PPIA: variants seen among roughly 807,000 people sequenced by gnomAD.
PPIA encodes peptidyl-prolyl cis-trans isomerase A.
Under a neutral mutation model 15.3 loss-of-function variants are expected in PPIA, and 2 were observed. The observed-to-expected ratio is 0.13, with a 90% CI of 0.05 to 0.41. The LOEUF (loss-of-function observed/expected upper bound fraction) is 0.41. Ranked by LOEUF, PPIA falls within the 10% of genes least tolerant of loss-of-function variation. The pLI is 0.99. For synonymous variants in PPIA, 67 were observed against 73.1 expected (o/e 0.92, Z 0.43); for missense variants, 103 against 210.3 (o/e 0.49, Z 3.16).
At chr7:44,799,087 C>T in intron 1 of PPIA, 160 bp from the exon 2 acceptor site, 3 of 1,075,232 alleles carry the variant, frequency 2.8e-6, no homozygotes, top group Non-Finnish European at 3.9e-6. Context: ...CAACTGCCTG[C>T]AGGGCCTTAT....
chr7:44,797,180 C>T (rs1245274389), intron 1 of PPIA, among the ~76,000 whole-genome samples: 1 of 152,192 alleles, frequency 6.6e-6, no homozygotes, highest in East Asian at 1.9e-4. Flanking sequence ...CAGAAGCACG[C>T]TCGCGGGGGC....
rs1189315135 is a variant in PPIA, at chr7:44,801,442, T to G, written c.*20T>G. ...GAATAAGTTTGACTTGTGTTTTATC[T>G]TAACCACCAGATCATTCCTTCTGTA... On this transcript the variant is annotated 3_prime_UTR_variant, in exon 5 of 5. Coordinates refer to ENST00000468812, the MANE Select transcript of PPIA (RefSeq NM_021130.5). The G allele has an allele frequency of 2.7e-6, 4 of 1,502,862 alleles. No individual in the cohort carries two copies. The highest frequency in any genetic ancestry group is 1.7e-5 in the Admixed American group (1 of 59,548). 93.1% of individuals were successfully genotyped at this position (1,502,862 alleles called of 1,614,324 possible).
Position 44,802,637 on chromosome 7 carries a change from G to C in PPIA, c.*1215G>C, listed in dbSNP as rs985775233. 1 of 152,200 alleles carries C rather than the reference G, an allele frequency of 6.6e-6. No homozygotes were observed. Among genetic ancestry groups the C allele is most frequent in the Non-Finnish European group, 1.5e-5 (1 of 68,038 alleles). The allele number at this position is 152,200 out of a possible 1,614,324, so 9.4% of individuals were successfully genotyped here. A position where few individuals can be genotyped will look rare whatever the true frequency, so the allele number is the denominator to read the frequency against. ...AGGGTTAAGGCGCAGACTACCTGCA[G>C]TGAGGAGGTACTGCTTGTAGCATAT... On this transcript the variant is annotated 3_prime_UTR_variant, in exon 5 of 5. Transcript: ENST00000468812.
chr7:44,799,829 A>G lies in PPIA; in HGVS notation c.317A>G (p.Asn106Ser). The change falls in exon 4 of 5, where the codon AAC (asparagine) becomes AGC (serine). Residue 106 changes from asparagine to serine, a missense_variant. Physicochemically the swap from Asn to Ser is conservative, Grantham distance 46. Transcript: ENST00000468812. ...TTGTCCATGGCAAATGCTGGACCCA[A>G]CACAAATGGTTCCCAGTTTTTCATC... ...GILSMANAGP[N>S]TNGSQFFICT... 6.2e-7 allele frequency: 1 copy of G among 1,613,250 alleles called. No homozygotes were observed. The highest frequency in any genetic ancestry group is 8.5e-7 in the Non-Finnish European group (1 of 1,180,012).
intron 1 of PPIA, among the ~76,000 whole-genome samples, chr7:44,797,053 C>T (rs1792392601): frequency 6.6e-6 from 1 of 152,196 alleles, no homozygotes; most frequent in Non-Finnish European, 1.5e-5. Context: ...GCCCGCCCGC[C>T]TCATGTGGCC....
chr7:44,800,886 C>G lies in PPIA; in HGVS notation c.363-401C>G, dbSNP rs17860077. Among the ~76,000 whole-genome samples the G allele has an allele frequency of 4.5e-4, 68 of 152,160 alleles. 2 individuals carry two copies. The highest frequency in any genetic ancestry group is 3.8e-3 in the Admixed American group (58 of 15,276). On this transcript the variant is annotated intron_variant, in intron 4 of 4. Coordinates refer to ENST00000468812, the MANE Select transcript of PPIA (RefSeq NM_021130.5). ...AGGCTGGAGTGCAGTGGCGCGATCT[C>G]GGCTCACTGCAAGCTCCGCCTCCCA...
At chr7:44,796,854 T>G in intron 1 of PPIA, 61 bp downstream of exon 1, 1 of 1,507,630 alleles carries the variant, frequency 6.6e-7, no homozygotes, top group Non-Finnish European at 9.0e-7. Flanking sequence ...TCGGGGTGGG[T>G]GGTAGCGCCC....
At chr7:44,797,668 G>A (rs952779664) in intron 1 of PPIA, among the ~76,000 whole-genome samples, 1 of 152,212 alleles carries the variant, frequency 6.6e-6, no homozygotes. Flanking sequence ...CGTTAAATGA[G>A]TTCTTAAAGA....
chr7:44,797,136 GC>G (rs1792397381), intron 1 of PPIA, among the ~76,000 whole-genome samples: 1 of 152,190 alleles, frequency 6.6e-6, no homozygotes, highest in Non-Finnish European at 1.5e-5. Context: ...GTTGGGCTCC[GC>G]CCTAGCTTGG....
rs754170938 is a variant in PPIA, at chr7:44,799,820, C to G, written c.308C>G (p.Ala103Gly). Residue 103 changes from alanine (A) to glycine (G), a missense_variant, in exon 4 of 5, where the codon GCT becomes GGT. Ala to Gly is a moderately conservative substitution (Grantham distance 60). Transcript: ENST00000468812. ...CCTGGCATCTTGTCCATGGCAAATGCTGGACCCAACACAAATGGTTCCCAG... is the reference window on the plus strand; with the variant it reads ...CCTGGCATCTTGTCCATGGCAAATGGTGGACCCAACACAAATGGTTCCCAG... ...TGPGILSMAN[A>G]GPNTNGSQFF... The G allele has an allele frequency of 6.2e-7, 1 of 1,613,390 alleles. No individual in the cohort carries two copies. The highest frequency in any genetic ancestry group is 1.7e-5 in the Admixed American group (1 of 60,004).
chr7:44,799,949 CT>C lies in PPIA; in HGVS notation c.362+79del, dbSNP rs1792496360. ...CCTGGGGGGAACGGAACAAACACTACTTTTCTTCAACCTTTGCTTCCACAGA... is the reference window on the plus strand; with the variant it reads ...CCTGGGGGGAACGGAACAAACACTACTTTCTTCAACCTTTGCTTCCACAGA... On this transcript the variant is annotated intron_variant, in intron 4 of 4. Coordinates refer to ENST00000468812, the MANE Select transcript of PPIA (RefSeq NM_021130.5). 3.3e-5 allele frequency: 48 copies of C among 1,465,046 alleles called. 1 individual carries two copies. In the South Asian group the frequency reaches 5.6e-4, roughly 17 times the overall value. The allele number at this position is 1,465,046 out of a possible 1,614,324, so 90.8% of individuals were successfully genotyped here.
Position 44,799,699 on chromosome 7 carries a change from C to T in PPIA, c.190-3C>T. On this transcript the variant is annotated splice_polypyrimidine_tract_variant and splice_region_variant and intron_variant, in intron 3 of 4. Transcript: ENST00000468812. Reference sequence around the variant, plus strand: ...AAGTGACATTTTTCCTATATGTTGACAGGGTGGTGACTTCACACGCCATAA... The same window carrying T: ...AAGTGACATTTTTCCTATATGTTGATAGGGTGGTGACTTCACACGCCATAA... The T allele has an allele frequency of 2.5e-6, 4 of 1,613,950 alleles. No individual in the cohort carries two copies. Among genetic ancestry groups the T allele is most frequent in the Non-Finnish European group, 2.5e-6 (3 of 1,179,864 alleles).
chr7:44,801,572 T>C lies in PPIA; in HGVS notation c.*150T>C, dbSNP rs1439915144. 4 of 580,990 alleles carry C rather than the reference T, an allele frequency of 6.9e-6. No individual in the cohort carries two copies. Among genetic ancestry groups the C allele is most frequent in the Non-Finnish European group, 1.2e-5 (4 of 327,990 alleles). 36.0% of individuals were successfully genotyped at this position (580,990 alleles called of 1,614,324 possible). Reference sequence around the variant, plus strand: ...TCCATGTTTTCCTTGTTCCCTCCCATGCCTAGCTGGATTGCAGAGTTAAGT... The same window carrying C: ...TCCATGTTTTCCTTGTTCCCTCCCACGCCTAGCTGGATTGCAGAGTTAAGT... On this transcript the variant is annotated 3_prime_UTR_variant, in exon 5 of 5. Coordinates refer to ENST00000468812, the MANE Select transcript of PPIA (RefSeq NM_021130.5).
At chr7:44,800,552 C>CA (rs1343627823) in intron 4 of PPIA, 1 of 154,170 alleles carries the variant, frequency 6.5e-6, no homozygotes, top group East Asian at 1.9e-4. Context: ...AGGCATGCAC[C>CA]ACCACTCCCA....
At chr7:44,799,935 C>G (rs922551133) in intron 4 of PPIA, 61 bp downstream of exon 4, 58 of 1,525,032 alleles carry the variant, frequency 3.8e-5, no homozygotes, top group Admixed American at 2.5e-4. Context: ...CTGGGGGGAA[C>G]GGAACAAACA....
rs1227962560 is a variant in PPIA, at chr7:44,801,566, C to T, written c.*144C>T. 1.4e-5 allele frequency: 8 copies of T among 583,462 alleles called. No homozygotes were observed. Among genetic ancestry groups the T allele is most frequent in the Admixed American group, 6.2e-5 (2 of 32,170 alleles). The allele number at this position is 583,462 out of a possible 1,614,324, so 36.1% of individuals were successfully genotyped here. On this transcript the variant is annotated 3_prime_UTR_variant, in exon 5 of 5. Transcript: ENST00000468812. ...TTGGGTTCCATGTTTTCCTTGTTCC[C>T]TCCCATGCCTAGCTGGATTGCAGAG...
chr7:44,796,746 T>A lies in PPIA; in HGVS notation c.22T>A (p.Phe8Ile). 6.2e-7 allele frequency: 1 copy of A among 1,610,218 alleles called. No homozygotes were observed. The highest frequency in any genetic ancestry group is 8.5e-7 in the Non-Finnish European group (1 of 1,178,816). MVNPTVF[F>I]DIAVDGEPLG... Reference sequence around the variant, plus strand: ...AGCCATGGTCAACCCCACCGTGTTCTTCGACATTGCCGTCGACGGCGAGCC... The same window carrying A: ...AGCCATGGTCAACCCCACCGTGTTCATCGACATTGCCGTCGACGGCGAGCC... Residue 8 changes from phenylalanine to isoleucine, a missense_variant, in exon 1 of 5, where the codon TTC becomes ATC. Phe to Ile is a conservative substitution (Grantham distance 21, BLOSUM62 0). Coordinates refer to ENST00000468812, the MANE Select transcript of PPIA (RefSeq NM_021130.5).
intron 4 of PPIA, chr7:44,800,660 A>G (rs12702088): frequency 0.91 from 138,165 of 152,630 alleles, 62,736 homozygotes; most frequent in East Asian, 0.97. Context: ...TGACCCCCCC[A>G]AAGTGCTGGG....
chr7:44,799,509 T>A, intron 3 of PPIA, 29 bp downstream of exon 3: 1 of 1,605,236 alleles, frequency 6.2e-7, no homozygotes, highest in Admixed American at 1.7e-5. Flanking sequence ...TTTATTTTAT[T>A]TGGGTTGCTC....
Sources: gnomAD v4.1 joint callset for allele counts (sites outside exome capture counted in the v4.1 genomes callset) on GRCh38, gnomAD v4.1.1 for gene constraint, MANE v1.5 for transcripts, NCBI Gene and HGNC (gene_info 2026-07-23, HGNC 2026-07-21) for gene names.